Variants in ZNF385D observed in about 807,000 individuals in gnomAD.
ZNF385D encodes the protein zinc finger protein 385D, also known as zinc finger protein 659.
In ZNF385D, 15 loss-of-function variants were observed where a neutral mutation model predicts 35.8. The observed-to-expected ratio is 0.42, with a 90% CI of 0.28 to 0.64. ZNF385D has a LOEUF of 0.64. Ranked by LOEUF, ZNF385D falls within the 30% of genes least tolerant of loss-of-function variation. The pLI is 0.23. For synonymous variants in ZNF385D, 212 were observed against 186.8 expected (o/e 1.13, Z -1.10); for missense variants, 474 against 494.6 (o/e 0.96, Z 0.39).
At chr3:22,011,477 A>C (rs561326031) in intron 3 of ZNF385D, among the ~76,000 whole-genome samples, 18 of 152,272 alleles carry the variant, frequency 1.2e-4, no homozygotes, top group African/African-American at 4.1e-4. Context: ...AGAAGAGAAC[A>C]ACTCTTACTA....
chr3:21,966,303 G>T (rs1015673979), intron 3 of ZNF385D, among the ~76,000 whole-genome samples: 1 of 152,152 alleles, frequency 6.6e-6, no homozygotes, highest in Non-Finnish European at 1.5e-5. Flanking sequence ...AAAACAAACT[G>T]AACTGGTAGT....
At chr3:21,923,765 C>T (rs1043747904) in intron 3 of ZNF385D, among the ~76,000 whole-genome samples, 5 of 152,018 alleles carry the variant, frequency 3.3e-5, no homozygotes, top group African/African-American at 1.2e-4. Context: ...AACAGAAAAC[C>T]AAATACCATA....
chr3:22,101,576 T>C (rs183648429), intron 3 of ZNF385D, among the ~76,000 whole-genome samples: 1 of 152,196 alleles, frequency 6.6e-6, no homozygotes, highest in African/African-American at 2.4e-5. Context: ...AAGTTCTATT[T>C]ATACTGTGCT....
intron 3 of ZNF385D, among the ~76,000 whole-genome samples, chr3:21,825,911 G>C (rs973345395): frequency 1.3e-5 from 2 of 152,136 alleles, no homozygotes; most frequent in African/African-American, 2.4e-5. Flanking sequence ...ACCAGCGGGG[G>C]CATTAGATTG....
At chr3:22,119,806 G>GT (rs151098197) in intron 3 of ZNF385D, among the ~76,000 whole-genome samples, 2,674 of 151,940 alleles carry the variant, frequency 0.018, 62 homozygotes, top group African/African-American at 0.061. Flanking sequence ...TTACTAGTGA[G>GT]TATTTATTCA....
Position 22,042,790 on chromosome 3 carries a change from T to C in ZNF385D, c.325+126027A>G, listed in dbSNP as rs143540656. On this transcript the variant is annotated intron_variant, in intron 3 of 5. Coordinates refer to the ZNF385D transcript ENST00000494108. ...AACAAGAACATCCAGATTTTGCTTA[T>C]AGCTCAGAATCAAAACAAACTCTCA... is the stretch of plus-strand genomic sequence containing the variant. Among the ~76,000 whole-genome samples the C allele has an allele frequency of 2.0e-3, 303 of 152,312 alleles. 1 individual carries two copies. The highest frequency in any genetic ancestry group is 3.6e-3 in the Non-Finnish European group (243 of 68,002).
chr3:21,939,259 A>T (rs982702997), intron 3 of ZNF385D, among the ~76,000 whole-genome samples: 3 of 152,196 alleles, frequency 2.0e-5, no homozygotes, highest in Non-Finnish European at 2.9e-5. Flanking sequence ...GCTCTAAATC[A>T]GGGGTTTAAT....
intron 3 of ZNF385D, among the ~76,000 whole-genome samples, chr3:21,513,530 A>G (rs961767441): frequency 2.0e-5 from 3 of 152,184 alleles, no homozygotes; most frequent in African/African-American, 7.2e-5. Context: ...TTCCCAAATT[A>G]AAAATAAGTA....
chr3:21,510,434 T>C (rs1707115290), intron 4 of ZNF385D, among the ~76,000 whole-genome samples: 1 of 152,220 alleles, frequency 6.6e-6, no homozygotes, highest in African/African-American at 2.4e-5. Context: ...AGGCTTTCTG[T>C]AATAATGCCC....
intron 3 of ZNF385D, among the ~76,000 whole-genome samples, chr3:21,546,635 T>C (rs1487132443): frequency 6.6e-6 from 1 of 151,866 alleles, no homozygotes; most frequent in Non-Finnish European, 1.5e-5. Context: ...ATCTAAGGGA[T>C]CCAGAGGCAA....
At chr3:21,977,428 T>A (rs1165592919) in intron 3 of ZNF385D, among the ~76,000 whole-genome samples, 1 of 152,138 alleles carries the variant, frequency 6.6e-6, no homozygotes, top group Non-Finnish European at 1.5e-5. Flanking sequence ...TGTATTTGGC[T>A]TTCAAGGAAC....
At chr3:21,447,949 G>T (rs380529) in intron 4 of ZNF385D, among the ~76,000 whole-genome samples, 142,458 of 152,218 alleles carry the variant, frequency 0.94, 66,690 homozygotes, top group East Asian at 1. Context: ...ATAAAATATT[G>T]AGTATGGAAA....
chr3:22,214,731 A>C (rs1019883170), intron 2 of ZNF385D, among the ~76,000 whole-genome samples: 4 of 151,954 alleles, frequency 2.6e-5, no homozygotes, highest in Non-Finnish European at 4.4e-5. Context: ...TTTTGATCAG[A>C]CCAGTTGTCT....
intron 3 of ZNF385D, among the ~76,000 whole-genome samples, chr3:21,941,584 G>A (rs532850203): frequency 1.7e-4 from 23 of 132,152 alleles, no homozygotes; most frequent in Middle Eastern, 4.8e-3. Context: ...TGCAACCTCC[G>A]CCTCCCGGGT....
chr3:21,935,553 T>A (rs1701217802), intron 3 of ZNF385D, among the ~76,000 whole-genome samples: 2 of 152,176 alleles, frequency 1.3e-5, no homozygotes, highest in Non-Finnish European at 2.9e-5. Context: ...CTAGAGTTCC[T>A]TTCAGACCTG....
intron 2 of ZNF385D, among the ~76,000 whole-genome samples, chr3:22,260,961 G>A (rs1045350295): frequency 4.0e-5 from 6 of 151,800 alleles, no homozygotes; most frequent in South Asian, 2.1e-4. Context: ...TATTTATCAC[G>A]GAATTCTTCA....
intron 3 of ZNF385D, among the ~76,000 whole-genome samples, chr3:21,766,062 C>T (rs1001281723): frequency 1.3e-5 from 2 of 151,556 alleles, no homozygotes; most frequent in African/African-American, 2.4e-5. Context: ...AGATAGTGGC[C>T]GAAAGGAAAA....
chr3:21,620,341 G>A (rs1473325699), intron 2 of ZNF385D, among the ~76,000 whole-genome samples: 1 of 128,418 alleles, frequency 7.8e-6, no homozygotes, highest in Non-Finnish European at 1.8e-5. Flanking sequence ...GTCCTAAAAA[G>A]AGGAATTTTT....
chr3:22,002,338 C>T (rs1204802050), intron 3 of ZNF385D, among the ~76,000 whole-genome samples: 1 of 151,950 alleles, frequency 6.6e-6, no homozygotes, highest in Non-Finnish European at 1.5e-5. Context: ...ATTGGAAAAC[C>T]TAGAGCAAAC....
Sources: gnomAD v4.1 joint callset for allele counts (sites outside exome capture counted in the v4.1 genomes callset) on GRCh38, gnomAD v4.1.1 for gene constraint, MANE v1.5 for transcripts, NCBI Gene and HGNC (gene_info 2026-07-23, HGNC 2026-07-21) for gene names.